PLEKHG4B: variants seen among roughly 807,000 people sequenced by gnomAD.
The protein encoded by PLEKHG4B is pleckstrin homology and RhoGEF domain containing G4B.
A neutral mutation model predicts 121.3 loss-of-function variants in PLEKHG4B; 111 were observed. The ratio of observed to expected loss-of-function variants is 0.92; its 90% CI spans 0.78 to 1.07. PLEKHG4B has a LOEUF of 1.07. Among genes scored for constraint, PLEKHG4B ranks in the 50% least tolerant of loss-of-function variants. The probability of loss-of-function intolerance (pLI) is 0.00; values close to 1 mark genes in which losing one functional copy is unlikely to be tolerated. For missense variants in PLEKHG4B, 1,831 were observed against 1,757.8 expected (o/e 1.04, Z -0.74); for synonymous variants, 738 against 725.0 (o/e 1.02, Z -0.29).
At chr5:172,858 A>T in intron 16 of PLEKHG4B, 39 bp from the exon 17 acceptor site, 2 of 1,611,504 alleles carry the variant, frequency 1.2e-6, no homozygotes, top group Admixed American at 1.7e-5. Flanking sequence ...CAGACGCCGG[A>T]TTTTCTTGGA....
rs920887393 is a variant in PLEKHG4B, at chr5:157,646, A to G, written c.2487+735A>G. On this transcript the variant is annotated intron_variant, in intron 11 of 19. Transcript: ENST00000637938. The surrounding 1 kb of genome is among the most constrained non-coding windows in gnomAD (Gnocchi z 4.6). ...ATGATTGCTTAGCTCAGGGGTGCAG[A>G]TGATGCTGCTGCCTCATTTTGATGC... 6.6e-6 allele frequency among the ~76,000 whole-genome samples: 1 copy of G among 152,180 alleles called. No individual in the cohort carries two copies. Among genetic ancestry groups the G allele is most frequent in the Non-Finnish European group, 1.5e-5 (1 of 68,032 alleles).
chr5:94,536 C>A (rs1365366745), intron 1 of PLEKHG4B, among the ~76,000 whole-genome samples: 1 of 136,726 alleles, frequency 7.3e-6, no homozygotes, highest in African/African-American at 2.9e-5. Context: ...TGGTTCTGGG[C>A]CTGGGAATCT....
chr5:124,290 G>A (rs76182061), intron 2 of PLEKHG4B, among the ~76,000 whole-genome samples: 2,594 of 152,240 alleles, frequency 0.017, 65 homozygotes, highest in African/African-American at 0.058. Context: ...TCTCATGTGT[G>A]CACTTGAGAA....
At chr5:168,962 G>A (rs1359349142) in intron 13 of PLEKHG4B, 11 of 217,364 alleles carry the variant, frequency 5.1e-5, no homozygotes, top group Non-Finnish European at 8.0e-5. Context: ...TGCAGCATCC[G>A]CCTCCCAGGT....
intron 13 of PLEKHG4B, among the ~76,000 whole-genome samples, chr5:167,746 C>T (rs1736400269): frequency 6.6e-6 from 1 of 152,226 alleles, no homozygotes. Context: ...TGGGCCCTGC[C>T]CTCCAGGCTC....
chr5:156,845 GAACAATCGTCTCCAGCAGCTGGAGC>G lies in PLEKHG4B; in HGVS notation c.2423_2447del (p.Asn808ThrfsTer42), dbSNP rs769436957. Reference sequence around the variant, plus strand: ...AGGTGCACAGGCTGGTCCTCACCTCGAACAATCGTCTCCAGCAGCTGGAGCACCTCCGGGAGCTGGCGTCACTCCT... The same window carrying G: ...AGGTGCACAGGCTGGTCCTCACCTCGACCTCCGGGAGCTGGCGTCACTCCT... On this transcript the variant is annotated frameshift_variant, in exon 11 of 20. Coordinates refer to ENST00000637938, the MANE Select transcript of PLEKHG4B (RefSeq NM_052909.5). LOFTEE classifies it high-confidence loss of function. This position sits in a 1 kb window ranked among gnomAD's most constrained non-coding sequence, Gnocchi z 4.4. The G allele has an allele frequency of 5.6e-6, 9 of 1,604,602 alleles. No homozygotes were observed. In the South Asian group the frequency reaches 1.0e-4, roughly 18 times the overall value.
chr5:122,713 C>T (rs150482213), intron 2 of PLEKHG4B, among the ~76,000 whole-genome samples: 5 of 152,190 alleles, frequency 3.3e-5, no homozygotes, highest in Admixed American at 2.0e-4. Flanking sequence ...AGCCACCGCA[C>T]CTGGCCAAAA....
rs1169506038 is a variant in PLEKHG4B at position 137,837 on chromosome 5, G to T, written c.244-1646G>T. 6.6e-6 allele frequency among the ~76,000 whole-genome samples: 1 copy of T among 152,228 alleles called. No homozygotes were observed. Among genetic ancestry groups the T allele is most frequent in the Non-Finnish European group, 1.5e-5 (1 of 68,044 alleles). On this transcript the variant is annotated intron_variant, in intron 2 of 19. Transcript: ENST00000637938. This position sits in a 1 kb window ranked among gnomAD's most constrained non-coding sequence, Gnocchi z 4.2. ...GGCCAGGCTCGGGGAGGCCCTTATGGACCGGCAGGTACCTGTCTCTTCTGG... is the reference window on the plus strand; with the variant it reads ...GGCCAGGCTCGGGGAGGCCCTTATGTACCGGCAGGTACCTGTCTCTTCTGG...
chr5:168,432 G>A (rs1049502500), intron 13 of PLEKHG4B, among the ~76,000 whole-genome samples: 1 of 152,186 alleles, frequency 6.6e-6, no homozygotes, highest in Non-Finnish European at 1.5e-5. Context: ...CCTTGGGTCA[G>A]GAGTAACTAC....
chr5:120,982 C>A (rs1268989685), intron 2 of PLEKHG4B, among the ~76,000 whole-genome samples: 1 of 152,162 alleles, frequency 6.6e-6, no homozygotes, highest in Non-Finnish European at 1.5e-5. Flanking sequence ...TGTGGTGGCT[C>A]ACGCCTGTAA....
At chr5:120,270 A>G (rs367947259) in intron 2 of PLEKHG4B, among the ~76,000 whole-genome samples, 67 of 152,286 alleles carry the variant, frequency 4.4e-4, no homozygotes, top group African/African-American at 1.6e-3. Flanking sequence ...AATTATAGTC[A>G]TACAGTTCCA....
chr5:139,671 C>G lies in PLEKHG4B; in HGVS notation c.432C>G (p.Gly144=), dbSNP rs1269346314. The G allele has an allele frequency of 2.5e-6, 1 of 398,858 alleles. No individual in the cohort carries two copies. 24.7% of individuals were successfully genotyped at this position (398,858 alleles called of 1,614,324 possible). ...VLKCLSRLGR[G]TEEVTVPEAM... ...AATGCCTGTCCCGGCTGGGAAGAGG[C>G]ACAGAGGAAGTCACCGTCCCTGAGG... Residue 144 remains glycine (G), a synonymous_variant, in exon 3 of 20, where the codon GGC becomes GGG. Transcript: ENST00000637938. This position sits in a 1 kb window ranked among gnomAD's most constrained non-coding sequence, Gnocchi z 5.0.
intron 1 of PLEKHG4B, among the ~76,000 whole-genome samples, chr5:101,146 G>T (rs1171926821): frequency 8.3e-6 from 1 of 120,074 alleles, no homozygotes; most frequent in Non-Finnish European, 1.6e-5. Context: ...AAAGTCTATA[G>T]GGGAGAGATT....
chr5:160,095 T>TATA (rs1404080349), intron 11 of PLEKHG4B, among the ~76,000 whole-genome samples: 1 of 152,252 alleles, frequency 6.6e-6, no homozygotes, highest in East Asian at 1.9e-4. Flanking sequence ...TGTCTCTATA[T>TATA]ATTTAACCTA....
chr5:178,200 C>T (rs1193462619), intron 18 of PLEKHG4B, among the ~76,000 whole-genome samples: 2 of 152,194 alleles, frequency 1.3e-5, no homozygotes, highest in South Asian at 2.1e-4. Flanking sequence ...CTTCAATTAA[C>T]ACTTTAGTGC....
At position 171,255 on chromosome 5, in the gene PLEKHG4B, C is replaced by T. The variant is rs1736540690; in HGVS notation, c.3861C>T (p.Ser1287=). 6.2e-7 allele frequency: 1 copy of T among 1,608,948 alleles called. No homozygotes were observed. Residue 1287 remains serine (S), a synonymous_variant, in exon 16 of 20, where the codon TCC becomes TCT. Coordinates refer to ENST00000637938, the MANE Select transcript of PLEKHG4B (RefSeq NM_052909.5). ...RELGDKMDLA[S]YLLRPVQRVA... ...TAGGTGACAAAATGGACCTGGCCTCCTACCTGCTGCGGCCCGTGCAGCGTG... is the reference window on the plus strand; with the variant it reads ...TAGGTGACAAAATGGACCTGGCCTCTTACCTGCTGCGGCCCGTGCAGCGTG...
At chr5:145,341 G>A (rs1448977246) in intron 6 of PLEKHG4B, among the ~76,000 whole-genome samples, 1 of 151,884 alleles carries the variant, frequency 6.6e-6, no homozygotes, top group African/African-American at 2.4e-5. Context: ...AAGGACAGAG[G>A]CAGGAAGGGG....
In PLEKHG4B at chr5:140,045, C is replaced by T; in HGVS notation, c.806C>T (p.Pro269Leu). 2.3e-6 allele frequency: 1 copy of T among 433,384 alleles called. No homozygotes were observed. The highest frequency in any genetic ancestry group is 2.0e-5 in the African/African-American group (1 of 48,900). The allele number at this position is 433,384 out of a possible 1,614,324, so 26.8% of individuals were successfully genotyped here. The change falls in exon 3 of 20, where the codon CCA becomes CTA. Residue 269 changes from proline to leucine, a missense_variant. Coordinates refer to ENST00000637938, the MANE Select transcript of PLEKHG4B (RefSeq NM_052909.5). ...GACCAGCTCAGGCACCTTCCTTATCCAGAAAGAGCCGAGCTGGGAAGCCCC... is the reference window on the plus strand; with the variant it reads ...GACCAGCTCAGGCACCTTCCTTATCTAGAAAGAGCCGAGCTGGGAAGCCCC... ...GSDQLRHLPY[P>L]ERAELGSPRT...
intron 7 of PLEKHG4B, among the ~76,000 whole-genome samples, chr5:154,055 G>T (rs1050354975): frequency 6.6e-6 from 1 of 151,982 alleles, no homozygotes; most frequent in Non-Finnish European, 1.5e-5. Flanking sequence ...CGCCAGGCTG[G>T]AGTGCAGTGG....
Sources: allele counts gnomAD v4.1 joint callset (sites outside exome capture counted in the v4.1 genomes callset), GRCh38; gene constraint gnomAD v4.1.1; non-coding constraint Gnocchi (gnomAD v3.1); transcripts MANE v1.5; gene names NCBI Gene and HGNC (gene_info 2026-07-23, HGNC 2026-07-21).